EYS: variants seen among roughly 807,000 people sequenced by gnomAD.
EYS encodes the protein protein eyes shut homolog.
Under a neutral mutation model 282.1 loss-of-function variants are expected in EYS, and 250 were observed. The observed-to-expected ratio is 0.89, with a 90% CI of 0.80 to 0.98. The LOEUF (loss-of-function observed/expected upper bound fraction) is 0.98. EYS is among the 50% of genes least tolerant of loss of function. The probability of loss-of-function intolerance (pLI) is 0.00; values close to 1 mark genes in which losing one functional copy is unlikely to be tolerated. For missense variants in EYS, 4,016 were observed against 3,709.0 expected, an observed-to-expected ratio of 1.08 and a Z score of -2.15; for synonymous variants, 1,355 against 1,282.9, an observed-to-expected ratio of 1.06 and a Z score of -1.20.
intron 35 of EYS, among the ~76,000 whole-genome samples, chr6:63,975,835 A>G (rs1766809878): frequency 6.6e-6 from 1 of 152,032 alleles, no homozygotes; most frequent in Non-Finnish European, 1.5e-5. Flanking sequence ...ATTTACAGTT[A>G]TATGTCACTC....
chr6:64,709,839 A>T (rs1275912980), intron 22 of EYS, among the ~76,000 whole-genome samples: 1 of 152,214 alleles, frequency 6.6e-6, no homozygotes, highest in East Asian at 1.9e-4. Context: ...AGCAACTGCA[A>T]ACTGGTGATT....
Position 63,721,626 on chromosome 6 carries a change from A to T in EYS, c.8405T>A (p.Ile2802Lys). 1.3e-6 allele frequency: 2 copies of T among 1,551,294 alleles called. No homozygotes were observed. Among genetic ancestry groups the T allele is most frequent in the Non-Finnish European group, 1.7e-6 (2 of 1,146,622 alleles). ...AGTGGAGGCCTTTTCTGTTACATTT[A>T]TCCCATCTAGATCCAGGTAGCCTTC... ...GAEGYLDLDG[I>K]NVTEKASTKM... The change falls in exon 43 of 43, where the codon ATA (isoleucine) becomes AAA (lysine). Residue 2802 changes from isoleucine to lysine, a missense_variant. By Grantham distance (102) the Ile-to-Lys change is moderately radical. Coordinates refer to ENST00000503581, the MANE Select transcript of EYS (RefSeq NM_001142800.2).
chr6:65,207,968 G>A (rs571880486), intron 12 of EYS, among the ~76,000 whole-genome samples: 5 of 151,856 alleles, frequency 3.3e-5, no homozygotes, highest in Non-Finnish European at 7.4e-5. Context: ...AAGACTTTAT[G>A]ACTACTACCC....
intron 12 of EYS, among the ~76,000 whole-genome samples, chr6:65,279,207 TAAC>T (rs1194434697): frequency 6.8e-6 from 1 of 148,064 alleles, no homozygotes; most frequent in Admixed American, 6.7e-5. Flanking sequence ...AAAATAATAA[TAAC>T]AAATAACAAA....
chr6:64,005,466 A>T (rs1768300410), intron 33 of EYS, among the ~76,000 whole-genome samples: 1 of 152,016 alleles, frequency 6.6e-6, no homozygotes, highest in African/African-American at 2.4e-5. Flanking sequence ...GAAGCTCTTT[A>T]GTTTAATTAG....
At chr6:64,540,980 C>T (rs1043958906) in intron 26 of EYS, among the ~76,000 whole-genome samples, 2 of 152,210 alleles carry the variant, frequency 1.3e-5, no homozygotes, top group East Asian at 1.9e-4. Flanking sequence ...TGAAACTCAC[C>T]TGTTGCTCCA....
At chr6:64,568,581 C>T (rs1267777876) in intron 26 of EYS, among the ~76,000 whole-genome samples, 1 of 152,162 alleles carries the variant, frequency 6.6e-6, no homozygotes, top group Admixed American at 6.5e-5. Context: ...TTCCTGCCTG[C>T]TGACTCTGAA....
chr6:64,848,443 T>C (rs1395877737), intron 19 of EYS, among the ~76,000 whole-genome samples: 2 of 152,068 alleles, frequency 1.3e-5, no homozygotes, highest in Non-Finnish European at 1.5e-5. Flanking sequence ...GCTTTTATAG[T>C]AAAGCTAGTG....
intron 2 of EYS, among the ~76,000 whole-genome samples, chr6:65,502,039 T>C (rs561142785): frequency 5.9e-5 from 9 of 151,888 alleles, no homozygotes; most frequent in African/African-American, 2.2e-4. Context: ...AAAATATAAG[T>C]ATAACTTATT....
At chr6:65,536,661 G>A (rs1389716570) in intron 2 of EYS, among the ~76,000 whole-genome samples, 1 of 152,066 alleles carries the variant, frequency 6.6e-6, no homozygotes, top group East Asian at 1.9e-4. Context: ...CTGAGATGGT[G>A]TAAAACAGAA....
intron 30 of EYS, among the ~76,000 whole-genome samples, chr6:64,270,119 G>A (rs1033158420): frequency 2.6e-5 from 4 of 152,162 alleles, no homozygotes; most frequent in South Asian, 4.1e-4. Context: ...TAATTCTGGC[G>A]TAGACATATT....
At chr6:64,714,239 T>G (rs1432433967) in intron 22 of EYS, among the ~76,000 whole-genome samples, 1 of 152,142 alleles carries the variant, frequency 6.6e-6, no homozygotes, top group East Asian at 1.9e-4. Flanking sequence ...AACCTCATTG[T>G]TTTGGGCTTG....
chr6:65,475,282 T>A (rs1765358818), intron 5 of EYS, among the ~76,000 whole-genome samples: 1 of 152,106 alleles, frequency 6.6e-6, no homozygotes, highest in South Asian at 2.1e-4. Context: ...TGGTTTTGGG[T>A]CATAAAAACA....
chr6:64,690,663 G>T (rs1265180676), intron 22 of EYS, among the ~76,000 whole-genome samples: 1 of 152,162 alleles, frequency 6.6e-6, no homozygotes, highest in Non-Finnish European at 1.5e-5. Flanking sequence ...AAAAGGATGA[G>T]TTTATGTCCT....
At chr6:65,573,297 G>C (rs987447735) in intron 2 of EYS, among the ~76,000 whole-genome samples, 2 of 152,148 alleles carry the variant, frequency 1.3e-5, no homozygotes, top group African/African-American at 2.4e-5. Context: ...GAATACGCAA[G>C]ATGTCAGTAC....
intron 26 of EYS, among the ~76,000 whole-genome samples, chr6:64,588,923 G>A (rs1476615445): frequency 6.6e-6 from 1 of 152,006 alleles, no homozygotes; most frequent in Non-Finnish European, 1.5e-5. Context: ...TGAAGAATGG[G>A]AAAAGTGAAA....
At chr6:65,549,100 C>T (rs1481466180) in intron 2 of EYS, among the ~76,000 whole-genome samples, 1 of 152,162 alleles carries the variant, frequency 6.6e-6, no homozygotes, top group Non-Finnish European at 1.5e-5. Context: ...GTAATGCTCT[C>T]TCACCCTCCC....
At chr6:64,827,822 A>G (rs913388572) in intron 19 of EYS, among the ~76,000 whole-genome samples, 3 of 151,890 alleles carry the variant, frequency 2.0e-5, no homozygotes, top group Non-Finnish European at 4.4e-5. Flanking sequence ...ATGCTATTCT[A>G]TGAGGAATAA....
At chr6:63,847,130 A>G (rs1772120766) in intron 36 of EYS, among the ~76,000 whole-genome samples, 1 of 152,122 alleles carries the variant, frequency 6.6e-6, no homozygotes, top group African/African-American at 2.4e-5. Context: ...TCATGTTCAG[A>G]TTCAGATTTT....
Sources: allele counts gnomAD v4.1 joint callset (sites outside exome capture counted in the v4.1 genomes callset), GRCh38; gene constraint gnomAD v4.1.1; transcripts MANE v1.5; gene names NCBI Gene and HGNC (gene_info 2026-07-23, HGNC 2026-07-21).